PTPRQ: variants seen among roughly 807,000 people sequenced by gnomAD.
PTPRQ encodes the protein phosphatidylinositol phosphatase PTPRQ.
In PTPRQ, 199 loss-of-function variants were observed where a neutral mutation model predicts 246.0. The observed-to-expected ratio is 0.81, with a 90% CI of 0.72 to 0.91. The LOEUF (loss-of-function observed/expected upper bound fraction) is 0.91. Among genes scored for constraint, PTPRQ ranks in the 40% least tolerant of loss-of-function variants. The pLI is 0.00. For synonymous variants in PTPRQ, 869 were observed against 853.2 expected (o/e 1.02, Z -0.32); for missense variants, 2,624 against 2,528.4 (o/e 1.04, Z -0.81).
In PTPRQ at chr12:80,661,817, G is replaced by A. The variant is rs182945502; in HGVS notation, c.6192+3756G>A. On this transcript the variant is annotated intron_variant, in intron 39 of 44. Transcript: ENST00000644991. ...ATTTTTGGAAACCTTTACATTTATA[G>A]AGCACTTCAAAATTTTCAAAGCAAT... Among the ~76,000 whole-genome samples the A allele has an allele frequency of 8.9e-4, 135 of 151,780 alleles. 1 individual carries two copies. Among genetic ancestry groups the A allele is most frequent in the African/African-American group, 3.1e-3 (127 of 41,456 alleles).
chr12:80,450,570 G>C (rs1308476864), intron 3 of PTPRQ, among the ~76,000 whole-genome samples: 2 of 151,908 alleles, frequency 1.3e-5, no homozygotes, highest in East Asian at 3.8e-4. Flanking sequence ...CTAATTTATT[G>C]AGAGTTTTTA....
At chr12:80,631,244 A>G (rs1390841781) in intron 33 of PTPRQ, among the ~76,000 whole-genome samples, 2 of 152,132 alleles carry the variant, frequency 1.3e-5, no homozygotes, top group African/African-American at 4.8e-5. Context: ...CTTTTTTTAA[A>G]CTATTGGGTA....
intron 17 of PTPRQ, among the ~76,000 whole-genome samples, chr12:80,524,655 T>C (rs1194103508): frequency 6.6e-6 from 1 of 152,162 alleles, no homozygotes; most frequent in Admixed American, 6.6e-5. Flanking sequence ...GGATTGTATT[T>C]TTAGCTTACC....
chr12:80,595,796 A>C (rs1897952001), intron 26 of PTPRQ, among the ~76,000 whole-genome samples: 1 of 141,002 alleles, frequency 7.1e-6, no homozygotes, highest in African/African-American at 2.7e-5. Flanking sequence ...ATTCCTACCT[A>C]TGAGAGAGAA....
intron 32 of PTPRQ, among the ~76,000 whole-genome samples, chr12:80,621,482 A>C (rs1226137327): frequency 1.3e-5 from 2 of 151,868 alleles, no homozygotes; most frequent in Non-Finnish European, 2.9e-5. Flanking sequence ...ATTGTCTCTG[A>C]GGATCTTAGA....
At chr12:80,461,040 AG>A in intron 6 of PTPRQ, 138 bp downstream of exon 6, 1 of 388,088 alleles carries the variant, frequency 2.6e-6, no homozygotes, top group East Asian at 3.6e-5. Flanking sequence ...CATCCCATCA[AG>A]GGTTTCTTCG....
chr12:80,593,927 A>G (rs573651155), intron 26 of PTPRQ, among the ~76,000 whole-genome samples: 2 of 152,166 alleles, frequency 1.3e-5, no homozygotes, highest in East Asian at 3.9e-4. Flanking sequence ...AGACTGGAAG[A>G]CAGCAAGAAA....
chr12:80,449,733 A>G (rs1892684946), intron 3 of PTPRQ, among the ~76,000 whole-genome samples: 2 of 152,074 alleles, frequency 1.3e-5, no homozygotes, highest in South Asian at 2.1e-4. Flanking sequence ...CCATTGATCT[A>G]TATCTCTGTT....
chr12:80,493,585 G>A, intron 10 of PTPRQ, 130 bp downstream of exon 10: 1 of 1,315,694 alleles, frequency 7.6e-7, no homozygotes, highest in Non-Finnish European at 9.9e-7. Flanking sequence ...TTTTTTTTTA[G>A]CTGTCGGAAA....
intron 26 of PTPRQ, among the ~76,000 whole-genome samples, chr12:80,600,652 G>A (rs941013075): frequency 6.6e-6 from 1 of 151,762 alleles, no homozygotes; most frequent in Non-Finnish European, 1.5e-5. Context: ...CAACAGCATC[G>A]AGTAGTATAT....
chr12:80,588,244 T>C lies in PTPRQ; in HGVS notation c.4401T>C (p.Thr1467=). Residue 1467 remains threonine (T), a synonymous_variant, in exon 26 of 45, where the codon ACT becomes ACC. Transcript: ENST00000644991. ...LGYFQNYKIT[T]QLRAQKCKEW... ...ACTTTCAAAATTACAAAATTACCAC[T>C]CAACTTCGTGCTCAAAAATGCAAAG... 1 of 1,551,610 alleles carries C rather than the reference T, an allele frequency of 6.4e-7. No homozygotes were observed. Among genetic ancestry groups the C allele is most frequent in the Non-Finnish European group, 8.7e-7 (1 of 1,146,938 alleles).
intron 5 of PTPRQ, among the ~76,000 whole-genome samples, chr12:80,459,983 A>T (rs187808104): frequency 6.6e-6 from 1 of 152,326 alleles, no homozygotes. Flanking sequence ...TTGGTAAAGA[A>T]TTTGTCGTTA....
chr12:80,586,105 G>A (rs1240221454), intron 25 of PTPRQ, among the ~76,000 whole-genome samples: 2 of 151,790 alleles, frequency 1.3e-5, no homozygotes, highest in Non-Finnish European at 2.9e-5. Context: ...TGGTGTATAT[G>A]TGCCACATTT....
chr12:80,653,153 C>A (rs1900310564), intron 38 of PTPRQ, among the ~76,000 whole-genome samples: 1 of 152,186 alleles, frequency 6.6e-6, no homozygotes, highest in East Asian at 1.9e-4. Context: ...GCATCAAATG[C>A]AAAGGGAATA....
intron 3 of PTPRQ, among the ~76,000 whole-genome samples, chr12:80,449,543 G>T (rs931156993): frequency 3.0e-4 from 46 of 151,942 alleles, no homozygotes; most frequent in Admixed American, 2.1e-3. Flanking sequence ...ATCTTGAATT[G>T]ATTTTTGTAT....
In PTPRQ at chr12:80,634,930, C is replaced by T. The variant is rs1421890594; in HGVS notation, c.5787-15C>T. 1.3e-6 allele frequency: 2 copies of T among 1,548,324 alleles called. No individual in the cohort carries two copies. Among genetic ancestry groups the T allele is most frequent in the East Asian group, 4.9e-5 (2 of 40,744 alleles). Reference sequence around the variant, plus strand: ...TGTGAAACTCCCTTCTTGGACTTTACTCCGCTTGTTTTAGAATTCGACAGA... The same window carrying T: ...TGTGAAACTCCCTTCTTGGACTTTATTCCGCTTGTTTTAGAATTCGACAGA... On this transcript the variant is annotated splice_polypyrimidine_tract_variant and intron_variant, in intron 34 of 44. Coordinates refer to ENST00000644991, the MANE Select transcript of PTPRQ (RefSeq NM_001145026.2).
intron 41 of PTPRQ, among the ~76,000 whole-genome samples, chr12:80,670,116 T>C (rs1308922573): frequency 6.6e-6 from 1 of 152,134 alleles, no homozygotes; most frequent in Non-Finnish European, 1.5e-5. Context: ...TAATGTCCTA[T>C]ATTAACATTT....
intron 17 of PTPRQ, among the ~76,000 whole-genome samples, chr12:80,512,065 C>CT (rs1895141609): frequency 6.6e-6 from 1 of 152,108 alleles, no homozygotes; most frequent in South Asian, 2.1e-4. Flanking sequence ...GGAAGAAAAA[C>CT]TAACAGGACT....
chr12:80,506,290 G>T, intron 15 of PTPRQ, 84 bp downstream of exon 15: 2 of 1,332,128 alleles, frequency 1.5e-6, no homozygotes, highest in Non-Finnish European at 2.0e-6. Context: ...AATAGTTTCA[G>T]ATTATTTTCA....
Sources: gnomAD v4.1 joint callset for allele counts (sites outside exome capture counted in the v4.1 genomes callset) on GRCh38, gnomAD v4.1.1 for gene constraint, MANE v1.5 for transcripts, NCBI Gene and HGNC (gene_info 2026-07-23, HGNC 2026-07-21) for gene names.